ARID2: variants seen among roughly 807,000 people sequenced by gnomAD.
ARID2 encodes AT-rich interaction domain 2.
In ARID2, 32 loss-of-function variants were observed where a neutral mutation model predicts 184.6. That is an observed-to-expected ratio of 0.17 (90% CI 0.13 to 0.23). The LOEUF (loss-of-function observed/expected upper bound fraction) is 0.23. Among genes scored for constraint, ARID2 ranks in the 10% least tolerant of loss-of-function variants. ARID2 has a pLI of 1.00. For missense variants in ARID2, 1,696 were observed against 2,197.6 expected, an observed-to-expected ratio of 0.77 and a Z score of 4.56; for synonymous variants, 836 against 772.6, an observed-to-expected ratio of 1.08 and a Z score of -1.36.
At chr12:45,733,774 T>C (rs947664272) in intron 3 of ARID2, among the ~76,000 whole-genome samples, 24 of 152,218 alleles carry the variant, frequency 1.6e-4, no homozygotes, top group African/African-American at 5.8e-4. Context: ...TTATTTTTGA[T>C]ACAAATATTG....
chr12:45,837,728 A>T (rs753892377), intron 10 of ARID2, 21 bp downstream of exon 10: 2 of 1,601,656 alleles, frequency 1.2e-6, no homozygotes, highest in Admixed American at 1.7e-5. Flanking sequence ...ACCAAAAAAC[A>T]CTTATTTTCT....
chr12:45,824,855 T>TTA (rs1419010475), intron 6 of ARID2, among the ~76,000 whole-genome samples: 1 of 148,698 alleles, frequency 6.7e-6, no homozygotes, highest in Non-Finnish European at 1.5e-5. Context: ...ATGAATAAAG[T>TTA]TATATATATA....
At chr12:45,899,269 T>C (rs1944412749) in intron 20 of ARID2, among the ~76,000 whole-genome samples, 1 of 48,730 alleles carries the variant, frequency 2.1e-5, no homozygotes. Flanking sequence ...AGACTCTGTC[T>C]CAAAAAAAAA....
intron 15 of ARID2, among the ~76,000 whole-genome samples, chr12:45,855,222 C>A (rs116968556): frequency 6.6e-6 from 1 of 152,240 alleles, no homozygotes; most frequent in Non-Finnish European, 1.5e-5. Flanking sequence ...TGCTAAAATG[C>A]TTTACTTAGC....
intron 3 of ARID2, among the ~76,000 whole-genome samples, chr12:45,739,488 A>G (rs1592046508): frequency 8.8e-6 from 1 of 114,018 alleles, no homozygotes; most frequent in Non-Finnish European, 1.6e-5. Context: ...TCTGTCGCCC[A>G]GGCTGGAGTG....
intron 3 of ARID2, among the ~76,000 whole-genome samples, chr12:45,753,659 A>G (rs1284621101): frequency 1.3e-5 from 2 of 152,044 alleles, no homozygotes; most frequent in East Asian, 1.9e-4. Context: ...CTGGAGTGCA[A>G]TAGTGCGATT....
At position 45,837,357 on chromosome 12, in the gene ARID2, C is replaced by A. The variant is rs1438827862; in HGVS notation, c.1060C>A (p.Leu354Met). ...LDPVDFKTTH[L>M]MFHTVTKCLM... ...CCCTGTTGATTTCAAAACTACTCAT[C>A]TGATGTTTCATACTGTTACAAAATG... is the stretch of plus-strand genomic sequence containing the variant. The change falls in exon 9 of 21, where the codon CTG (leucine) becomes ATG (methionine). Residue 354 changes from leucine (L) to methionine (M), a missense_variant. By Grantham distance (15) the Leu-to-Met change is conservative (BLOSUM62 2). Around this residue, in one of 11 missense-constraint regions of ARID2, gnomAD observed 86 missense variants for 200.8 expected, o/e 0.43. Transcript: ENST00000334344. The A allele has an allele frequency of 6.2e-7, 1 of 1,611,602 alleles. No individual in the cohort carries two copies. Among genetic ancestry groups the A allele is most frequent in the East Asian group, 2.2e-5 (1 of 44,784 alleles).
chr12:45,815,699 T>G (rs1249241170), intron 4 of ARID2, among the ~76,000 whole-genome samples: 3 of 152,154 alleles, frequency 2.0e-5, no homozygotes, highest in Non-Finnish European at 4.4e-5. Context: ...TCTCACTTCG[T>G]CGCTCAGGCT....
chr12:45,835,499 CA>C (rs71067908), intron 6 of ARID2, among the ~76,000 whole-genome samples: 6 of 147,170 alleles, frequency 4.1e-5, no homozygotes, highest in Middle Eastern at 3.6e-3. Flanking sequence ...ACTTTGATTC[CA>C]AAAAAAAAAC....
chr12:45,846,019 AG>A (rs1943433244), intron 11 of ARID2: 1 of 152,174 alleles, frequency 6.6e-6, no homozygotes, highest in African/African-American at 2.4e-5. Flanking sequence ...GGAGAAGAAA[AG>A]GTAACATACA....
At chr12:45,893,353 C>A in intron 18 of ARID2, 67 bp from the exon 19 acceptor site, 1 of 1,523,610 alleles carries the variant, frequency 6.6e-7, no homozygotes, top group South Asian at 1.2e-5. Flanking sequence ...GCAGGGTGGT[C>A]ATAGTTGTCA....
intron 3 of ARID2, among the ~76,000 whole-genome samples, chr12:45,750,959 AG>A (rs1222991008): frequency 6.6e-6 from 1 of 152,212 alleles, no homozygotes. Context: ...CCAGCTATGT[AG>A]AATACTGCTC....
At chr12:45,762,557 C>T (rs976992430) in intron 3 of ARID2, among the ~76,000 whole-genome samples, 4 of 152,236 alleles carry the variant, frequency 2.6e-5, no homozygotes, top group African/African-American at 4.8e-5. Flanking sequence ...TGAGTAGACT[C>T]TGGCTTTCAT....
At chr12:45,828,722 T>C (rs1247070222) in intron 6 of ARID2, among the ~76,000 whole-genome samples, 1 of 152,110 alleles carries the variant, frequency 6.6e-6, no homozygotes, top group African/African-American at 2.4e-5. Flanking sequence ...TGATGAGAAC[T>C]AGAATACCTT....
chr12:45,808,115 T>C (rs1005375769), intron 3 of ARID2, among the ~76,000 whole-genome samples: 1 of 152,236 alleles, frequency 6.6e-6, no homozygotes, highest in Non-Finnish European at 1.5e-5. Context: ...AGGAGAAAGA[T>C]GTGCAGTCTA....
chr12:45,828,327 G>A (rs927601059), intron 6 of ARID2, among the ~76,000 whole-genome samples: 9 of 152,006 alleles, frequency 5.9e-5, no homozygotes, highest in African/African-American at 2.2e-4. Context: ...GTTGTATAAT[G>A]TTACATTGCA....
At chr12:45,790,621 G>T (rs921305636) in intron 3 of ARID2, among the ~76,000 whole-genome samples, 4 of 152,126 alleles carry the variant, frequency 2.6e-5, no homozygotes, top group Non-Finnish European at 5.9e-5. Flanking sequence ...CAGCAATCTT[G>T]CTGAACTCCT....
intron 3 of ARID2, among the ~76,000 whole-genome samples, chr12:45,756,468 A>C: frequency 6.6e-6 from 1 of 152,230 alleles, no homozygotes. Flanking sequence ...TTAAATAGCT[A>C]TCACAAAGGT....
chr12:45,818,897 T>C (rs1942851929), intron 5 of ARID2, among the ~76,000 whole-genome samples: 2 of 152,250 alleles, frequency 1.3e-5, no homozygotes, highest in East Asian at 1.9e-4. Context: ...CCCAAAACTA[T>C]TCTTGATTAC....
Sources: allele counts gnomAD v4.1 joint callset (sites outside exome capture counted in the v4.1 genomes callset), GRCh38; gene constraint gnomAD v4.1.1; regional missense constraint gnomAD v4.1.1; transcripts MANE v1.5; gene names NCBI Gene and HGNC (gene_info 2026-07-23, HGNC 2026-07-21).